Variants in DTNB observed in about 807,000 individuals in gnomAD.
DTNB encodes dystrobrevin beta, also known as DTN-B.
Under a neutral mutation model 90.7 loss-of-function variants are expected in DTNB, and 63 were observed. The ratio of observed to expected loss-of-function variants is 0.69; its 90% CI spans 0.57 to 0.86. The LOEUF is 0.86. Ranked by LOEUF, DTNB falls within the 40% of genes least tolerant of loss-of-function variation. DTNB has a pLI of 0.00. For missense variants in DTNB, 744 were observed against 807.1 expected (o/e 0.92, Z 0.95); for synonymous variants, 277 against 286.7 (o/e 0.97, Z 0.34).
At chr2:25,552,877 G>A (rs1473340739) in intron 8 of DTNB, among the ~76,000 whole-genome samples, 26 of 106,584 alleles carry the variant, frequency 2.4e-4, no homozygotes, top group Non-Finnish European at 3.7e-4. Flanking sequence ...TTTTTGAGAC[G>A]GAGTCTCGCT....
intron 4 of DTNB, among the ~76,000 whole-genome samples, chr2:25,616,927 G>A (rs1261756004): frequency 1.4e-4 from 7 of 50,996 alleles, no homozygotes; most frequent in Admixed American, 3.7e-4. Flanking sequence ...GCAAGACCCC[G>A]TCTCAAAAAA....
At chr2:25,627,893 C>G (rs13405103) in intron 4 of DTNB, among the ~76,000 whole-genome samples, 1 of 152,012 alleles carries the variant, frequency 6.6e-6, no homozygotes, top group African/African-American at 2.4e-5. Context: ...CCCACCACCA[C>G]GCCCGGCTAA....
chr2:25,451,846 C>T (rs1469848816), intron 11 of DTNB, among the ~76,000 whole-genome samples: 1 of 152,140 alleles, frequency 6.6e-6, no homozygotes, highest in Non-Finnish European at 1.5e-5. Flanking sequence ...GCAGCACATC[C>T]CCGCTGCTCC....
intron 9 of DTNB, chr2:25,497,761 A>ATT (rs573297623): frequency 5.3e-5 from 8 of 152,092 alleles, no homozygotes; most frequent in Non-Finnish European, 1.2e-4. Context: ...GTGGCCTCTT[A>ATT]TTTATTTCAT....
chr2:25,443,901 G>A (rs1033904921), intron 12 of DTNB, among the ~76,000 whole-genome samples: 1 of 152,168 alleles, frequency 6.6e-6, no homozygotes, highest in Non-Finnish European at 1.5e-5. Flanking sequence ...GGAGACTGTC[G>A]ATCTTTAATT....
chr2:25,567,638 T>C (rs1315345823), intron 8 of DTNB, among the ~76,000 whole-genome samples: 1 of 152,176 alleles, frequency 6.6e-6, no homozygotes, highest in African/African-American at 2.4e-5. Context: ...TTCCATACTA[T>C]CAACCAGTCA....
chr2:25,511,814 T>C (rs1364535361), intron 9 of DTNB, among the ~76,000 whole-genome samples: 1 of 152,180 alleles, frequency 6.6e-6, no homozygotes, highest in Middle Eastern at 3.2e-3. Context: ...TTCACAAGAA[T>C]GTTTTCCTTG....
chr2:25,449,768 CTTTTTT>C (rs35325641), intron 12 of DTNB, among the ~76,000 whole-genome samples: 9 of 139,622 alleles, frequency 6.4e-5, no homozygotes, highest in African/African-American at 2.1e-4. Flanking sequence ...TTTTCTTTTT[CTTTTTT>C]TTTTTTTTGA....
chr2:25,657,084 G>A (rs1300744001), intron 1 of DTNB, among the ~76,000 whole-genome samples: 1 of 152,276 alleles, frequency 6.6e-6, no homozygotes, highest in African/African-American at 2.4e-5. Flanking sequence ...GCTGAGGCAG[G>A]TGAATCTTTT....
In DTNB at chr2:25,454,655, C is replaced by T. The variant is rs370224662; in HGVS notation, c.1169+750G>A. Among the ~76,000 whole-genome samples the T allele has an allele frequency of 5.9e-5, 9 of 151,916 alleles. No homozygotes were observed. The South Asian group carries it at 6.2e-4, about 11-fold the overall frequency. ...TACCTGAAAGTAATACCACTTTTTT[C>T]GGTATTAAATCTTTTAAAAAAAGGA... On this transcript the variant is annotated intron_variant, in intron 11 of 20. Coordinates refer to ENST00000406818, the MANE Select transcript of DTNB (RefSeq NM_021907.5).
At chr2:25,456,041 A>T (rs1226379688) in intron 10 of DTNB, among the ~76,000 whole-genome samples, 1 of 152,260 alleles carries the variant, frequency 6.6e-6, no homozygotes, top group Non-Finnish European at 1.5e-5. Context: ...CAAACTCATT[A>T]GAACTGCGCC....
chr2:25,503,927 A>C (rs2071531306), intron 9 of DTNB, among the ~76,000 whole-genome samples: 1 of 150,138 alleles, frequency 6.7e-6, no homozygotes, highest in African/African-American at 2.5e-5. Context: ...AAAAAAAAGA[A>C]AAAAAAAAAC....
At chr2:25,563,245 C>T (rs1353032756) in intron 8 of DTNB, among the ~76,000 whole-genome samples, 1 of 152,220 alleles carries the variant, frequency 6.6e-6, no homozygotes, top group Non-Finnish European at 1.5e-5. Flanking sequence ...CTCCTCCCAA[C>T]TGATAACGAC....
chr2:25,518,675 G>A (rs1467227973), intron 9 of DTNB, among the ~76,000 whole-genome samples: 1 of 152,138 alleles, frequency 6.6e-6, no homozygotes, highest in African/African-American at 2.4e-5. Flanking sequence ...GACTGTCTTA[G>A]ATGATGCATA....
At chr2:25,393,641 A>AAAAAT (rs1239424919) in intron 16 of DTNB, among the ~76,000 whole-genome samples, 21 of 152,210 alleles carry the variant, frequency 1.4e-4, no homozygotes, top group African/African-American at 2.9e-4. Context: ...AATACCTGCA[A>AAAAAT]AAAATAAAAT....
At chr2:25,580,678 C>A in intron 7 of DTNB, 43 bp downstream of exon 7, 1 of 1,536,466 alleles carries the variant, frequency 6.5e-7, no homozygotes, top group Non-Finnish European at 9.0e-7. Context: ...AGTTCCTATA[C>A]TTTCTATAGC....
intron 14 of DTNB, among the ~76,000 whole-genome samples, chr2:25,429,248 C>G (rs1186039433): frequency 6.6e-6 from 1 of 152,188 alleles, no homozygotes; most frequent in Non-Finnish European, 1.5e-5. Flanking sequence ...GTAAGATATA[C>G]TATTAAAATT....
At chr2:25,619,611 C>A (rs919086357) in intron 4 of DTNB, among the ~76,000 whole-genome samples, 2 of 152,130 alleles carry the variant, frequency 1.3e-5, no homozygotes, top group African/African-American at 2.4e-5. Context: ...GACATCCATT[C>A]CATTTTGAAC....
At chr2:25,586,695 G>A (rs1167090008) in intron 6 of DTNB, among the ~76,000 whole-genome samples, 1 of 152,056 alleles carries the variant, frequency 6.6e-6, no homozygotes, top group Non-Finnish European at 1.5e-5. Context: ...ACAATCCTAA[G>A]ATGAAAGATT....
Sources: gnomAD v4.1 joint callset for allele counts (sites outside exome capture counted in the v4.1 genomes callset) on GRCh38, gnomAD v4.1.1 for gene constraint, MANE v1.5 for transcripts, NCBI Gene and HGNC (gene_info 2026-07-23, HGNC 2026-07-21) for gene names.